The following PCDHGC3 variants were observed in gnomAD, a reference collection of about 807,000 sequenced individuals.
The protein encoded by PCDHGC3 is protocadherin gamma subfamily C, 3.
PCDHGC3 carries 26 observed loss-of-function variants against 59.2 expected under a neutral mutation model. The ratio of observed to expected loss-of-function variants is 0.44; its 90% CI spans 0.32 to 0.61. The LOEUF (loss-of-function observed/expected upper bound fraction) is 0.61, where lower values mean the gene tolerates loss of function less well. Ranked by LOEUF, PCDHGC3 falls within the 20% of genes least tolerant of loss-of-function variation. The probability of loss-of-function intolerance (pLI) is 0.05; values close to 1 mark genes in which losing one functional copy is unlikely to be tolerated. For missense variants in PCDHGC3, 1,080 were observed against 1,221.8 expected (o/e 0.88, Z 1.73); for synonymous variants, 487 against 519.7 (o/e 0.94, Z 0.86).
rs775898365 is a variant in PCDHGC3 at position 141,476,425 on chromosome 5, T to C, written c.309T>C (p.Ser103=). The change falls in exon 1 of 4, where the codon TCT becomes TCC. Residue 103 remains serine (S), a synonymous_variant. Transcript: ENST00000308177. This position sits in a 1 kb window ranked among gnomAD's most constrained non-coding sequence, Gnocchi z 7.6. ...AGGAGCTGTGTGGGACACTGCCCTC[T>C]TGCACTGTAACTCTGGAGTTGGTAG... is the stretch of plus-strand genomic sequence containing the variant. ...DREELCGTLP[S]CTVTLELVVE... is the part of the protein sequence containing the mutation. The C allele has an allele frequency of 1.2e-6, 2 of 1,614,108 alleles. No homozygotes were observed. Among genetic ancestry groups the C allele is most frequent in the East Asian group, 4.5e-5 (2 of 44,848 alleles).
At position 141,489,760 on chromosome 5, in the gene PCDHGC3, C is replaced by A; in HGVS notation, c.2431-5047C>A. 1 of 1,614,086 alleles carries A rather than the reference C, an allele frequency of 6.2e-7. No individual in the cohort carries two copies. Among genetic ancestry groups the A allele is most frequent in the Non-Finnish European group, 8.5e-7 (1 of 1,179,970 alleles). On this transcript the variant is annotated intron_variant, in intron 1 of 3. Coordinates refer to ENST00000308177, the MANE Select transcript of PCDHGC3 (RefSeq NM_002588.4). This position sits in a 1 kb window ranked among gnomAD's most constrained non-coding sequence, Gnocchi z 4.5. ...TACTGTGAGCTTTTACACTCTAAGC[C>A]CCAACAGCCACTTCTCTCTGAATGT...
chr5:141,487,748 T>A lies in PCDHGC3; in HGVS notation c.2431-7059T>A, dbSNP rs1458153935. ...TGTCACCATTTTTGTAAGAGGTAACTATGTGGTAGACGCTGTGCTTTGTAA... is the reference window on the plus strand; with the variant it reads ...TGTCACCATTTTTGTAAGAGGTAACAATGTGGTAGACGCTGTGCTTTGTAA... On this transcript the variant is annotated intron_variant, in intron 1 of 3. Transcript: ENST00000308177. This position sits in a 1 kb window ranked among gnomAD's most constrained non-coding sequence, Gnocchi z 5.0. 6.4e-7 allele frequency: 1 copy of A among 1,557,554 alleles called. No homozygotes were observed. The highest frequency in any genetic ancestry group is 1.2e-5 in the South Asian group (1 of 84,814).
intron 1 of PCDHGC3, 134 bp from the exon 2 acceptor site, chr5:141,494,673 C>A: frequency 6.5e-7 from 1 of 1,542,992 alleles, no homozygotes; most frequent in South Asian, 1.2e-5. Flanking sequence ...GATGAGTCCA[C>A]CCCTGCCCCC....
chr5:141,510,910 A>C (rs780792326), intron 3 of PCDHGC3, 37 bp from the exon 4 acceptor site: 4 of 1,613,740 alleles, frequency 2.5e-6, no homozygotes, highest in Admixed American at 3.3e-5. Flanking sequence ...GAGGACCCTA[A>C]GTTTAGCTCC....
intron 1 of PCDHGC3, among the ~76,000 whole-genome samples, chr5:141,492,482 A>G (rs1339196127): frequency 6.6e-6 from 1 of 152,182 alleles, no homozygotes; most frequent in Non-Finnish European, 1.5e-5. Context: ...GCGGCCGCCC[A>G]GGACCAGGCG....
In PCDHGC3 at chr5:141,490,658, T is replaced by A. The variant is rs776806248; in HGVS notation, c.2431-4149T>A. The A allele has an allele frequency of 8.1e-6, 13 of 1,614,204 alleles. No homozygotes were observed. The South Asian group carries it at 1.4e-4, about 18-fold the overall frequency. ...GAAAACCGGCCTCCGGGCTCCCTTC[T>A]TTGCACTGTGGCTGCCTCAGATCCA... On this transcript the variant is annotated intron_variant, in intron 1 of 3. Transcript: ENST00000308177. The surrounding 1 kb of genome is among the most constrained non-coding windows in gnomAD (Gnocchi z 5.4).
rs1273620361 is a variant in PCDHGC3, at chr5:141,486,809, A to G, written c.2431-7998A>G. 1 of 1,614,106 alleles carries G rather than the reference A, an allele frequency of 6.2e-7. No homozygotes were observed. The highest frequency in any genetic ancestry group is 1.3e-5 in the African/African-American group (1 of 74,936). On this transcript the variant is annotated intron_variant, in intron 1 of 3. Coordinates refer to ENST00000308177, the MANE Select transcript of PCDHGC3 (RefSeq NM_002588.4). This position sits in a 1 kb window ranked among gnomAD's most constrained non-coding sequence, Gnocchi z 5.0. ...CCGGGATCGGGGCAACCCACCCCTT[A>G]GCAGCACTGTAACAGTTCGTCTATT...
rs1028782991 is a variant in PCDHGC3, at chr5:141,503,926, C to T, written c.2490-1467C>T. 2.6e-5 allele frequency among the ~76,000 whole-genome samples: 4 copies of T among 152,196 alleles called. No individual in the cohort carries two copies. The East Asian group carries it at 7.7e-4, about 29-fold the overall frequency. ...ACACACAACGCAACACACACACAGA[C>T]ATTTTCATGCCTTCAAGGCCTACCC... On this transcript the variant is annotated intron_variant, in intron 2 of 3. Coordinates refer to ENST00000308177, the MANE Select transcript of PCDHGC3 (RefSeq NM_002588.4).
rs2099687715 is a variant in PCDHGC3, at chr5:141,489,479, T to G, written c.2431-5328T>G. 1.2e-6 allele frequency: 2 copies of G among 1,614,090 alleles called. No individual in the cohort carries two copies. The highest frequency in any genetic ancestry group is 1.7e-6 in the Non-Finnish European group (2 of 1,180,010). ...GGGCGCTATTTTTCCCTGAGCTTGATGAGTGGTGCCCTGGCAGTGAATCAA... is the reference window on the plus strand; with the variant it reads ...GGGCGCTATTTTTCCCTGAGCTTGAGGAGTGGTGCCCTGGCAGTGAATCAA... On this transcript the variant is annotated intron_variant, in intron 1 of 3. Transcript: ENST00000308177. This position sits in a 1 kb window ranked among gnomAD's most constrained non-coding sequence, Gnocchi z 4.5.
Position 141,478,087 on chromosome 5 carries a change from C to T in PCDHGC3, c.1971C>T (p.Ser657=). 6.2e-7 allele frequency: 1 copy of T among 1,614,134 alleles called. No individual in the cohort carries two copies. The highest frequency in any genetic ancestry group is 2.2e-5 in the East Asian group (1 of 44,882). ...AAGACAATGGGGAGCCTTCGCTCTC[C>T]ACCACTGCTACCCTCACTGTGTCAG... is the stretch of plus-strand genomic sequence containing the variant. ...LIKDNGEPSL[S]TTATLTVSVT... is the part of the protein sequence containing the mutation. Residue 657 remains serine, a synonymous_variant, in exon 1 of 4, where the codon TCC becomes TCT. Transcript: ENST00000308177.
Position 141,505,432 on chromosome 5 carries a change from C to T in PCDHGC3, c.2529C>T (p.Asn843=), listed in dbSNP as rs776731214. Residue 843 remains asparagine, a synonymous_variant, in exon 3 of 4, where the codon AAC becomes AAT. Transcript: ENST00000308177. ...ATGACACCGGCACCTGGCCCAACAA[C>T]CAGTTTGACACAGAGATGCTGCAAG... ...NGDDTGTWPN[N]QFDTEMLQAM... 6.2e-7 allele frequency: 1 copy of T among 1,614,252 alleles called. No homozygotes were observed. Among genetic ancestry groups the T allele is most frequent in the Non-Finnish European group, 8.5e-7 (1 of 1,180,048 alleles).
chr5:141,501,789 C>T (rs367954511), intron 2 of PCDHGC3, among the ~76,000 whole-genome samples: 1 of 152,262 alleles, frequency 6.6e-6, no homozygotes, highest in South Asian at 2.1e-4. Context: ...TCTCCCTCTG[C>T]TCATCTCTTA....
chr5:141,490,380 T>C lies in PCDHGC3; in HGVS notation c.2431-4427T>C, dbSNP rs1246254637. 1 of 1,614,204 alleles carries C rather than the reference T, an allele frequency of 6.2e-7. No individual in the cohort carries two copies. ...TTAATGTGCGAGACCGGGACTCAGGTAGAAATGGTGAAGTGAGCCTTGATA... is the reference window on the plus strand; with the variant it reads ...TTAATGTGCGAGACCGGGACTCAGGCAGAAATGGTGAAGTGAGCCTTGATA... On this transcript the variant is annotated intron_variant, in intron 1 of 3. Coordinates refer to ENST00000308177, the MANE Select transcript of PCDHGC3 (RefSeq NM_002588.4). This position sits in a 1 kb window ranked among gnomAD's most constrained non-coding sequence, Gnocchi z 5.4.
intron 1 of PCDHGC3, 97 bp from the exon 2 acceptor site, chr5:141,494,710 C>G: frequency 6.2e-7 from 1 of 1,600,966 alleles, no homozygotes; most frequent in Admixed American, 1.7e-5. Context: ...TCTCTGTGCC[C>G]ACTCCCCTCC....
Position 141,510,946 on chromosome 5 carries a change from GA to G in PCDHGC3, c.2580del (p.Ala861LeufsTer17). The G allele has an allele frequency of 6.2e-7, 1 of 1,614,128 alleles. No homozygotes were observed. ...LQAMILASAS[E>X]AADGSSTLGG... ...CACCTGATCTTCCTCTGTCTCTGCA[GA>G]AGCTGCTGATGGGAGCTCCACCCTG... On this transcript the variant is annotated frameshift_variant and splice_region_variant, in exon 4 of 4. Coordinates refer to ENST00000308177, the MANE Select transcript of PCDHGC3 (RefSeq NM_002588.4). LOFTEE classifies it high-confidence loss of function.
intron 1 of PCDHGC3, among the ~76,000 whole-genome samples, chr5:141,494,498 C>G (rs2099754760): frequency 6.6e-6 from 1 of 152,138 alleles, no homozygotes; most frequent in African/African-American, 2.4e-5. Flanking sequence ...GCCTTCAGTC[C>G]TTGAATTTTG....
Position 141,487,893 on chromosome 5 carries a change from G to A in PCDHGC3, c.2431-6914G>A. Reference sequence around the variant, plus strand: ...AGCCAGGCTGTTGTGGAAGCATGATGATGGAATGTGGGAGCACAGGAGGCT... The same window carrying A: ...AGCCAGGCTGTTGTGGAAGCATGATAATGGAATGTGGGAGCACAGGAGGCT... On this transcript the variant is annotated intron_variant, in intron 1 of 3. Coordinates refer to ENST00000308177, the MANE Select transcript of PCDHGC3 (RefSeq NM_002588.4). The surrounding 1 kb of genome is among the most constrained non-coding windows in gnomAD (Gnocchi z 5.0). The A allele has an allele frequency of 1.4e-6, 1 of 731,472 alleles. No individual in the cohort carries two copies. The highest frequency in any genetic ancestry group is 2.2e-6 in the Non-Finnish European group (1 of 450,166). 45.3% of individuals were successfully genotyped at this position (731,472 alleles called of 1,614,324 possible). A position where few individuals can be genotyped will look rare whatever the true frequency, so the allele number is the denominator to read the frequency against.
At position 141,489,886 on chromosome 5, in the gene PCDHGC3, G is replaced by A; in HGVS notation, c.2431-4921G>A. ...ACATCAGCTGGTGCTTACTGCTGTG[G>A]ATGGGGGGACCCCAGCCCGCTCAGG... is the stretch of plus-strand genomic sequence containing the variant. On this transcript the variant is annotated intron_variant, in intron 1 of 3. Transcript: ENST00000308177. This position sits in a 1 kb window ranked among gnomAD's most constrained non-coding sequence, Gnocchi z 4.5. 6.2e-7 allele frequency: 1 copy of A among 1,614,256 alleles called. No individual in the cohort carries two copies. The highest frequency in any genetic ancestry group is 8.5e-7 in the Non-Finnish European group (1 of 1,180,044).
Position 141,490,151 on chromosome 5 carries a change from T to A in PCDHGC3, c.2431-4656T>A, listed in dbSNP as rs1449636059. 6.2e-6 allele frequency: 10 copies of A among 1,614,210 alleles called. No homozygotes were observed. The highest frequency in any genetic ancestry group is 8.5e-6 in the Non-Finnish European group (10 of 1,180,018). On this transcript the variant is annotated intron_variant, in intron 1 of 3. Transcript: ENST00000308177. This position sits in a 1 kb window ranked among gnomAD's most constrained non-coding sequence, Gnocchi z 5.4. ...GACCCTAGCAGTGGGGCAATCCATG[T>A]GTTGGGTCCCATAGACTTTGAGGAG... is the stretch of plus-strand genomic sequence containing the variant.
Sources: allele counts gnomAD v4.1 joint callset (sites outside exome capture counted in the v4.1 genomes callset), GRCh38; gene constraint gnomAD v4.1.1; non-coding constraint Gnocchi (gnomAD v3.1); transcripts MANE v1.5; gene names NCBI Gene and HGNC (gene_info 2026-07-23, HGNC 2026-07-21).